The following NBAS variants were observed in gnomAD, a reference collection of about 807,000 sequenced individuals.
NBAS encodes NBAS subunit of NRZ tethering complex, also known as NAG/BC035112 fusion.
Under a neutral mutation model 302.5 loss-of-function variants are expected in NBAS, and 219 were observed. The observed-to-expected ratio is 0.72, with a 90% CI of 0.65 to 0.81. The LOEUF (loss-of-function observed/expected upper bound fraction) is 0.81. Ranked by LOEUF, NBAS falls within the 30% of genes least tolerant of loss-of-function variation. The pLI is 0.00. For missense variants in NBAS, 2,932 were observed against 2,841.6 expected (o/e 1.03, Z -0.72); for synonymous variants, 1,118 against 1,021.6 (o/e 1.09, Z -1.80).
Position 15,234,618 on chromosome 2 carries a change from C to T in NBAS, c.6073G>A (p.Ala2025Thr). ...GGTGAGATGTCAAGAGGGCCAACTG[C>T]CACCTCTAGCAGCTGCTGAATCATT... ...LAMIQQLLEV[A>T]VGPLDISPKD... The change falls in exon 46 of 52, where the codon GCA becomes ACA. Residue 2025 changes from alanine (A) to threonine (T), a missense_variant. Transcript: ENST00000281513. The T allele has an allele frequency of 1.2e-6, 2 of 1,614,134 alleles. No homozygotes were observed. Among genetic ancestry groups the T allele is most frequent in the South Asian group, 1.1e-5 (1 of 91,088 alleles).
the NBAS span, among the ~76,000 whole-genome samples, chr2:14,878,686 C>G: frequency 2.0e-5 from 3 of 152,140 alleles, no homozygotes; most frequent in African/African-American, 7.2e-5. Flanking sequence ...AAATGGAATG[C>G]TTAAAAGTAA....
the NBAS span, among the ~76,000 whole-genome samples, chr2:15,153,238 G>A: frequency 6.6e-6 from 1 of 152,242 alleles, no homozygotes; most frequent in Non-Finnish European, 1.5e-5. Context: ...TGATGCAGAT[G>A]TTAACCAACT....
chr2:15,206,491 A>C (rs1666152133), intron 48 of NBAS, among the ~76,000 whole-genome samples: 1 of 152,154 alleles, frequency 6.6e-6, no homozygotes, highest in South Asian at 2.1e-4. Context: ...AAGTAAAGAG[A>C]AGTCAAACAT....
At chr2:15,488,075 G>C (rs907051661) in intron 12 of NBAS, among the ~76,000 whole-genome samples, 3 of 152,096 alleles carry the variant, frequency 2.0e-5, no homozygotes, top group African/African-American at 7.2e-5. Flanking sequence ...TTATGACATT[G>C]ATCCATTCAG....
At chr2:15,245,688 AAAAG>A (rs1342540761) in intron 44 of NBAS, among the ~76,000 whole-genome samples, 6 of 152,114 alleles carry the variant, frequency 3.9e-5, no homozygotes, top group African/African-American at 1.4e-4. Flanking sequence ...ACACTGTTTA[AAAAG>A]AGAACAGTAA....
the NBAS span, among the ~76,000 whole-genome samples, chr2:14,914,350 A>G: frequency 0.011 from 1,682 of 152,326 alleles, 28 homozygotes; most frequent in African/African-American, 0.038. Flanking sequence ...ACAGGGCCAC[A>G]TGGGGGTTGC....
chr2:15,161,456 A>C, the NBAS span, among the ~76,000 whole-genome samples: 1 of 152,214 alleles, frequency 6.6e-6, no homozygotes, highest in East Asian at 1.9e-4. Context: ...TAACAGGACA[A>C]ACTTGGGAAA....
the NBAS span, among the ~76,000 whole-genome samples, chr2:15,088,828 G>C: frequency 1.3e-5 from 2 of 152,350 alleles, no homozygotes; most frequent in Non-Finnish European, 2.9e-5. Context: ...CCAGCTCCTG[G>C]CCCAGTGTTC....
At chr2:14,806,257 A>G in the NBAS span, among the ~76,000 whole-genome samples, 2 of 151,748 alleles carry the variant, frequency 1.3e-5, no homozygotes, top group Non-Finnish European at 2.9e-5. Flanking sequence ...CAGACTGTTG[A>G]CTCCCTCAGT....
chr2:15,504,298 A>C, intron 10 of NBAS, 85 bp from the exon 11 acceptor site: 2 of 1,066,474 alleles, frequency 1.9e-6, no homozygotes, highest in Non-Finnish European at 2.9e-6. Context: ...AATGAAAACT[A>C]TAGCAAATCT....
chr2:15,418,623 C>T (rs1677059011), intron 23 of NBAS, among the ~76,000 whole-genome samples: 2 of 152,112 alleles, frequency 1.3e-5, no homozygotes, highest in African/African-American at 4.8e-5. Context: ...CAGTACTTAG[C>T]CAGCCTGAGA....
chr2:14,807,901 T>C, the NBAS span, among the ~76,000 whole-genome samples: 1 of 152,178 alleles, frequency 6.6e-6, no homozygotes, highest in Non-Finnish European at 1.5e-5. Flanking sequence ...GCTCTCTTGC[T>C]ATCCCTCTCT....
At chr2:14,994,647 G>A in the NBAS span, among the ~76,000 whole-genome samples, 1 of 152,172 alleles carries the variant, frequency 6.6e-6, no homozygotes, top group South Asian at 2.1e-4. Flanking sequence ...CACCTTCCGG[G>A]CATGCCAGAG....
At chr2:15,144,057 A>ATATATATATATATATATATTATCC in the NBAS span, among the ~76,000 whole-genome samples, 1 of 140,302 alleles carries the variant, frequency 7.1e-6, no homozygotes, top group Non-Finnish European at 1.5e-5. Context: ...AAATATATAT[A>ATATATATATATATATATATTATCC]TATATATATA....
intron 9 of NBAS, among the ~76,000 whole-genome samples, chr2:15,515,981 G>T (rs2148655046): frequency 6.6e-6 from 1 of 152,258 alleles, no homozygotes; most frequent in Non-Finnish European, 1.5e-5. Flanking sequence ...GATAAGGTGG[G>T]GAGAAGGGAA....
the NBAS span, among the ~76,000 whole-genome samples, chr2:15,066,237 A>C: frequency 6.6e-6 from 1 of 152,210 alleles, no homozygotes; most frequent in Non-Finnish European, 1.5e-5. Context: ...TAAAGTCAAA[A>C]TGGATTAATG....
chr2:15,012,755 A>G, the NBAS span, among the ~76,000 whole-genome samples: 36 of 152,254 alleles, frequency 2.4e-4, no homozygotes, highest in African/African-American at 8.2e-4. Flanking sequence ...TATTAAATGT[A>G]CTGAAAGAAA....
intron 25 of NBAS, among the ~76,000 whole-genome samples, chr2:15,413,735 TC>T (rs1676792268): frequency 6.6e-6 from 1 of 152,122 alleles, no homozygotes; most frequent in Admixed American, 6.6e-5. Context: ...TCAGCAACGG[TC>T]AGTCACTGAA....
chr2:14,846,103 T>C, the NBAS span, among the ~76,000 whole-genome samples: 1,189 of 152,222 alleles, frequency 7.8e-3, 37 homozygotes, highest in East Asian at 0.072. Context: ...CTCAAGGCAT[T>C]TAATAATCAA....
Sources: allele counts gnomAD v4.1 joint callset (sites outside exome capture counted in the v4.1 genomes callset), GRCh38; gene constraint gnomAD v4.1.1; transcripts MANE v1.5; gene names NCBI Gene and HGNC (gene_info 2026-07-23, HGNC 2026-07-21).